MCM10: variants seen among roughly 807,000 people sequenced by gnomAD.
The protein encoded by MCM10 is protein MCM10 homolog.
MCM10 carries 91 observed loss-of-function variants against 109.9 expected under a neutral mutation model. The observed-to-expected ratio is 0.83, with a 90% CI of 0.70 to 0.99. The LOEUF is 0.99. MCM10 is among the 50% of genes least tolerant of loss of function. The pLI is 0.00. For missense variants in MCM10, 1,077 were observed against 1,061.2 expected, an observed-to-expected ratio of 1.01 and a Z score of -0.21; for synonymous variants, 380 against 387.2, an observed-to-expected ratio of 0.98 and a Z score of 0.22.
chr10:13,177,188 A>G (rs1834152873), intron 6 of MCM10, among the ~76,000 whole-genome samples: 1 of 152,208 alleles, frequency 6.6e-6, no homozygotes, highest in African/African-American at 2.4e-5. Flanking sequence ...AGAGACTTAA[A>G]CTACTCAGCA....
At chr10:13,204,830 T>G (rs190642308) in intron 18 of MCM10, among the ~76,000 whole-genome samples, 24 of 152,202 alleles carry the variant, frequency 1.6e-4, no homozygotes, top group African/African-American at 5.1e-4. Flanking sequence ...TGCTCAAGTC[T>G]CTGATATAAA....
At position 13,164,165 on chromosome 10, in the gene MCM10, C is replaced by A; in HGVS notation, c.-38C>A. On this transcript the variant is annotated 5_prime_UTR_variant, in exon 2 of 20. Coordinates refer to ENST00000378714, the MANE Select transcript of MCM10 (RefSeq NM_018518.5). ...ATTGCTCATCTGGGCATCTGAGCCT[C>A]CTTCGAAGTTTCCTGTCACAACTGT... 1.3e-6 allele frequency: 2 copies of A among 1,569,400 alleles called. No individual in the cohort carries two copies. The highest frequency in any genetic ancestry group is 2.8e-5 in the African/African-American group (2 of 72,676).
Position 13,195,099 on chromosome 10 carries a change from C to A in MCM10, c.1804C>A (p.Pro602Thr), listed in dbSNP as rs373552949. ...SPAVPSSSRQ[P>T]PAQPPRTGSE... ...AGCTGTGCCATCTTCATCAAGACAG[C>A]CCCCTGCTCAGCCTCCACGGACAGG... Residue 602 changes from proline to threonine, a missense_variant, in exon 14 of 20, where the codon CCC becomes ACC. By Grantham distance (38) the Pro-to-Thr change is conservative. Coordinates refer to ENST00000378714, the MANE Select transcript of MCM10 (RefSeq NM_018518.5). The A allele has an allele frequency of 8.7e-6, 14 of 1,614,042 alleles. No individual in the cohort carries two copies. The highest frequency in any genetic ancestry group is 6.7e-5 in the Admixed American group (4 of 60,008).
intron 6 of MCM10, among the ~76,000 whole-genome samples, chr10:13,176,847 T>C (rs1834148183): frequency 6.6e-6 from 1 of 152,190 alleles, no homozygotes; most frequent in Admixed American, 6.5e-5. Context: ...TGAGCTATGA[T>C]CATACCACTG....
At position 13,188,995 on chromosome 10, in the gene MCM10, C is replaced by T. The variant is rs116465689; in HGVS notation, c.1330C>T (p.Arg444Cys). 3.1e-4 allele frequency: 500 copies of T among 1,614,214 alleles called. No individual in the cohort carries two copies. In the African/African-American group the frequency reaches 4.5e-3, roughly 15 times the overall value. ...AGGACGAATTCCAAAGAAGTTTGCC[C>T]GCAGAGGCACCAGCCTCAAAGAACG... is the stretch of plus-strand genomic sequence containing the variant. Reference protein sequence around the residue: ...SGGRIPKKFARRGTSLKERLC... With the variant: ...SGGRIPKKFACRGTSLKERLC... The change falls in exon 10 of 20, where the codon CGC becomes TGC. Residue 444 changes from arginine to cysteine, a missense_variant. Transcript: ENST00000378714.
At chr10:13,189,324 C>CTTT (rs997350838) in intron 10 of MCM10, among the ~76,000 whole-genome samples, 2 of 143,054 alleles carry the variant, frequency 1.4e-5, no homozygotes, top group Non-Finnish European at 1.5e-5. Flanking sequence ...TCCTCTTCAA[C>CTTT]TTTTTTTTTT....
chr10:13,172,780 G>C lies in MCM10; in HGVS notation c.592+15G>C. On this transcript the variant is annotated intron_variant, in intron 5 of 19. Coordinates refer to ENST00000378714, the MANE Select transcript of MCM10 (RefSeq NM_018518.5). This position sits in a 1 kb window ranked among gnomAD's most constrained non-coding sequence, Gnocchi z 5.2. ...TTCACCTCCAGGTGTAGTACTTGCG[G>C]TCTCAGTATCTTGGCACTATTGTAT... 6.2e-7 allele frequency: 1 copy of C among 1,613,582 alleles called. No individual in the cohort carries two copies. Among genetic ancestry groups the C allele is most frequent in the Non-Finnish European group, 8.5e-7 (1 of 1,179,850 alleles).
intron 5 of MCM10, among the ~76,000 whole-genome samples, chr10:13,173,780 T>C (rs1327286736): frequency 1.3e-5 from 2 of 152,124 alleles, no homozygotes; most frequent in Admixed American, 1.3e-4. Flanking sequence ...GGGTGTTGCA[T>C]TAGGTAATGT....
intron 2 of MCM10, among the ~76,000 whole-genome samples, chr10:13,167,719 C>T (rs527388383): frequency 1.3e-5 from 2 of 152,256 alleles, no homozygotes; most frequent in South Asian, 2.1e-4. Context: ...TCCAAAGTGA[C>T]AGTGATAAAG....
chr10:13,193,854 C>T (rs1834381204), intron 13 of MCM10, among the ~76,000 whole-genome samples: 1 of 152,060 alleles, frequency 6.6e-6, no homozygotes, highest in Non-Finnish European at 1.5e-5. Flanking sequence ...GCCAAGGAAA[C>T]CTTATCTTTG....
At chr10:13,169,878 G>A (rs1834048099) in intron 2 of MCM10, among the ~76,000 whole-genome samples, 1 of 152,096 alleles carries the variant, frequency 6.6e-6, no homozygotes, top group Non-Finnish European at 1.5e-5. Flanking sequence ...GCTAATTTTT[G>A]TATTATTAGT....
intron 16 of MCM10, among the ~76,000 whole-genome samples, chr10:13,200,739 C>A (rs1483207672): frequency 6.6e-6 from 1 of 152,260 alleles, no homozygotes; most frequent in Admixed American, 6.5e-5. Flanking sequence ...CCTGGAATAC[C>A]TTGTGTATGT....
intron 10 of MCM10, 58 bp from the exon 11 acceptor site, chr10:13,191,241 C>A: frequency 1.8e-6 from 2 of 1,137,278 alleles, no homozygotes; most frequent in Non-Finnish European, 2.7e-6. Context: ...CCTTCTTTAC[C>A]TCATCAGAGC....
chr10:13,191,608 A>C lies in MCM10; in HGVS notation c.1516+209A>C, dbSNP rs189842458. ...CAAGCAAGCAGTCTTTAGGGTTGAA[A>C]ATGGATACAGCTCATACTCTTAAGT... On this transcript the variant is annotated intron_variant, in intron 11 of 19. Coordinates refer to ENST00000378714, the MANE Select transcript of MCM10 (RefSeq NM_018518.5). Among the ~76,000 whole-genome samples the C allele has an allele frequency of 1.6e-3, 238 of 152,350 alleles. 3 individuals are homozygous for C. The highest frequency in any genetic ancestry group is 2.3e-3 in the South Asian group (11 of 4,828).
chr10:13,161,932 C>T (rs1156905644), intron 1 of MCM10, among the ~76,000 whole-genome samples: 1 of 152,174 alleles, frequency 6.6e-6, no homozygotes, highest in Non-Finnish European at 1.5e-5. Flanking sequence ...TTCTCGTATT[C>T]ATGATTTGCC....
chr10:13,167,532 C>G (rs752837152), intron 2 of MCM10, among the ~76,000 whole-genome samples: 3 of 149,350 alleles, frequency 2.0e-5, no homozygotes, highest in Non-Finnish European at 4.5e-5. Context: ...ATCATCCTTG[C>G]GGAGGTTGAA....
At chr10:13,184,812 C>G (rs1333208755) in intron 8 of MCM10, among the ~76,000 whole-genome samples, 3 of 152,206 alleles carry the variant, frequency 2.0e-5, no homozygotes, top group African/African-American at 7.2e-5. Context: ...CTTTGAAACT[C>G]TAGCCATCAC....
intron 10 of MCM10, among the ~76,000 whole-genome samples, chr10:13,189,889 ATCTTTT>A (rs977436700): frequency 6.6e-6 from 1 of 152,106 alleles, no homozygotes; most frequent in African/African-American, 2.4e-5. Context: ...GGGGTGTCCA[ATCTTTT>A]GGCTTCCCTG....
At chr10:13,199,934 C>G (rs889641145) in intron 16 of MCM10, among the ~76,000 whole-genome samples, 1 of 152,262 alleles carries the variant, frequency 6.6e-6, no homozygotes, top group East Asian at 1.9e-4. Flanking sequence ...AATTCTCATA[C>G]CTCAGCCTCC....
Sources: gnomAD v4.1 joint callset for allele counts (sites outside exome capture counted in the v4.1 genomes callset) on GRCh38, gnomAD v4.1.1 for gene constraint, Gnocchi (gnomAD v3.1) non-coding constraint, MANE v1.5 for transcripts, NCBI Gene and HGNC (gene_info 2026-07-23, HGNC 2026-07-21) for gene names.